The following NCOR1 variants were observed in gnomAD, a reference collection of about 807,000 sequenced individuals.
NCOR1 encodes nuclear receptor corepressor 1.
A neutral mutation model predicts 288.1 loss-of-function variants in NCOR1; 63 were observed. The ratio of observed to expected loss-of-function variants is 0.22; its 90% CI spans 0.18 to 0.27. NCOR1 has a LOEUF of 0.27. Among genes scored for constraint, NCOR1 ranks in the 10% least tolerant of loss-of-function variants. The pLI, the probability that NCOR1 is intolerant of heterozygous loss-of-function variation, is 1.00. For missense variants in NCOR1, 2,397 were observed against 3,019.2 expected, an observed-to-expected ratio of 0.79 and a Z score of 4.83; for synonymous variants, 1,007 against 1,065.9, an observed-to-expected ratio of 0.94 and a Z score of 1.08.
At chr17:16,037,699 T>A (rs919542134) in intron 44 of NCOR1, among the ~76,000 whole-genome samples, 1 of 152,198 alleles carries the variant, frequency 6.6e-6, no homozygotes, top group African/African-American at 2.4e-5. Flanking sequence ...AAGGAAAAAC[T>A]GCAGAACAAA....
intron 21 of NCOR1, among the ~76,000 whole-genome samples, chr17:16,094,862 C>T (rs980410571): frequency 1.3e-5 from 2 of 152,222 alleles, no homozygotes; most frequent in Non-Finnish European, 2.9e-5. Flanking sequence ...CTCGTTAACT[C>T]AGTGCTCAAT....
Position 16,121,142 on chromosome 17 carries a change from A to T in NCOR1, c.1762T>A (p.Ser588Thr). The change falls in exon 16 of 46, where the codon TCC (serine) becomes ACC (threonine). Residue 588 changes from serine to threonine, a missense_variant. Transcript: ENST00000268712. The part of the protein sequence containing the change: ...QGRRKGRITR[S>T]MTNEAAAASA... ...GCAGCTGCAGCTTCGTTTGTCATGGACCTGGTGATCCGGCCCTTACGGCGG... is the reference window on the plus strand; with the variant it reads ...GCAGCTGCAGCTTCGTTTGTCATGGTCCTGGTGATCCGGCCCTTACGGCGG... 6.2e-7 allele frequency: 1 copy of T among 1,614,024 alleles called. No individual in the cohort carries two copies. Among genetic ancestry groups the T allele is most frequent in the Non-Finnish European group, 8.5e-7 (1 of 1,180,010 alleles).
intron 16 of NCOR1, 146 bp downstream of exon 16, chr17:16,120,906 G>T: frequency 2.9e-6 from 2 of 687,636 alleles, no homozygotes; most frequent in Non-Finnish European, 4.5e-6. Context: ...AAAAAACTTT[G>T]ACATTAAAGT....
intron 3 of NCOR1, among the ~76,000 whole-genome samples, chr17:16,175,037 A>C (rs546253444): frequency 0.053 from 7,477 of 142,036 alleles, 220 homozygotes; most frequent in African/African-American, 0.11. Flanking sequence ...CTGTGGTATA[A>C]AAAAAAAAAA....
chr17:16,041,290 C>T (rs533798425), intron 42 of NCOR1: 5 of 151,404 alleles, frequency 3.3e-5, no homozygotes, highest in Non-Finnish European at 7.4e-5. Flanking sequence ...GAATTTGGGA[C>T]ATAAATTGGT....
At chr17:16,153,710 T>C (rs2153393465) in intron 6 of NCOR1, among the ~76,000 whole-genome samples, 1 of 152,236 alleles carries the variant, frequency 6.6e-6, no homozygotes, top group African/African-American at 2.4e-5. Context: ...AACAATTATA[T>C]TAAAAAACTG....
At chr17:16,048,182 G>A (rs1021573664) in intron 41 of NCOR1, among the ~76,000 whole-genome samples, 5 of 152,186 alleles carry the variant, frequency 3.3e-5, no homozygotes, top group Non-Finnish European at 7.3e-5. Flanking sequence ...TTCAGCACTA[G>A]GCAAACTGCA....
In NCOR1 at chr17:16,070,211, T is replaced by C. The variant is rs746368598; in HGVS notation, c.4467A>G (p.Gln1489=). The change falls in exon 31 of 46, where the codon CAA becomes CAG. Residue 1489 remains glutamine (Q), a synonymous_variant. Transcript: ENST00000268712. ...TGGGTGAGCCTCTGGACATGGTGTT[T>C]TGATAACTCACAGGGGTCCTCCGTG... The part of the protein sequence containing the change: ...TSARRTPVSY[Q]NTMSRGSPMM... 3 of 1,613,864 alleles carry C rather than the reference T, an allele frequency of 1.9e-6. No homozygotes were observed. In the East Asian group the frequency reaches 6.7e-5, roughly 36 times the overall value.
chr17:16,070,239 C>G lies in NCOR1; in HGVS notation c.4439G>C (p.Ser1480Thr), dbSNP rs2152723086. The part of the protein sequence containing the change: ...QLSPGIYDDT[S>T]ARRTPVSYQN... ...ATAACTCACAGGGGTCCTCCGTGCA[C>G]TGGTGTCATCATAAATCCCAGGGCT... Residue 1480 changes from serine (S) to threonine (T), a missense_variant, in exon 31 of 46, where the codon AGT becomes ACT. Ser to Thr is a moderately conservative substitution (Grantham distance 58). Around this residue, in one of 11 missense-constraint regions of NCOR1, gnomAD observed 1,872 missense variants for 2,187.8 expected, o/e 0.86. Transcript: ENST00000268712. 1.2e-6 allele frequency: 2 copies of G among 1,613,990 alleles called. No individual in the cohort carries two copies. Among genetic ancestry groups the G allele is most frequent in the Non-Finnish European group, 1.7e-6 (2 of 1,180,010 alleles).
intron 37 of NCOR1, among the ~76,000 whole-genome samples, chr17:16,061,108 C>T (rs1465402115): frequency 6.6e-6 from 1 of 152,070 alleles, no homozygotes; most frequent in African/African-American, 2.4e-5. Flanking sequence ...CAGAGCCTGG[C>T]GATATATCCA....
At chr17:16,033,279 G>C (rs1972732615) in intron 45 of NCOR1, among the ~76,000 whole-genome samples, 1 of 141,072 alleles carries the variant, frequency 7.1e-6, no homozygotes, top group Non-Finnish European at 1.5e-5. Flanking sequence ...AGGTTGCTGT[G>C]AGCCAAGATA....
intron 23 of NCOR1, among the ~76,000 whole-genome samples, chr17:16,081,277 G>A (rs147602504): frequency 1.5e-3 from 218 of 142,394 alleles, no homozygotes; most frequent in African/African-American, 3.7e-3. Context: ...GAGCAATCTC[G>A]GCTCACTGCA....
At position 16,068,029 on chromosome 17, in the gene NCOR1, G is replaced by A. The variant is rs1219978574; in HGVS notation, c.4606C>T (p.Pro1536Ser). ...TGGCTCACGACAGGGTCCACCCCAG[G>A]CACTGGAGACTTCGCTGGGATACTT... ...RESIPAKSPV[P>S]GVDPVVSHSP... The change falls in exon 32 of 46, where the codon CCT becomes TCT. Residue 1536 changes from proline to serine, a missense_variant. Coordinates refer to ENST00000268712, the MANE Select transcript of NCOR1 (RefSeq NM_006311.4). 5 of 1,614,192 alleles carry A rather than the reference G, an allele frequency of 3.1e-6. No homozygotes were observed. Among genetic ancestry groups the A allele is most frequent in the Non-Finnish European group, 2.5e-6 (3 of 1,180,040 alleles).
intron 3 of NCOR1, among the ~76,000 whole-genome samples, chr17:16,178,159 C>T (rs1042336670): frequency 1.3e-5 from 2 of 151,534 alleles, no homozygotes; most frequent in Non-Finnish European, 2.9e-5. Flanking sequence ...GCCAAGATTG[C>T]GCCACTGCAC....
intron 1 of NCOR1, among the ~76,000 whole-genome samples, chr17:16,199,150 C>CA (rs1263015105): frequency 2.5e-3 from 232 of 94,644 alleles, no homozygotes; most frequent in Middle Eastern, 8.1e-3. Context: ...TTTATTATCT[C>CA]AAAAAAAAAA....
intron 1 of NCOR1, among the ~76,000 whole-genome samples, chr17:16,209,966 T>C (rs939273386): frequency 2.6e-5 from 4 of 151,930 alleles, no homozygotes; most frequent in African/African-American, 9.7e-5. Context: ...AAAATGTTCA[T>C]GTTTGTGCTA....
At chr17:16,143,815 C>T (rs963968324) in intron 10 of NCOR1, 119 bp from the exon 11 acceptor site, 1 of 673,700 alleles carries the variant, frequency 1.5e-6, no homozygotes, top group Non-Finnish European at 2.5e-6. Context: ...AGAGAAGAAA[C>T]ATAAAATACT....
intron 31 of NCOR1, among the ~76,000 whole-genome samples, chr17:16,069,467 T>C (rs2061496726): frequency 2.0e-5 from 3 of 152,150 alleles, no homozygotes; most frequent in Non-Finnish European, 2.9e-5. Flanking sequence ...TAATAAAAAA[T>C]GGTAAGTGGA....
chr17:16,063,981 C>G, intron 35 of NCOR1, 87 bp downstream of exon 35: 2 of 1,430,682 alleles, frequency 1.4e-6, no homozygotes, highest in Non-Finnish European at 1.9e-6. Context: ...TTGTTTCCAT[C>G]AAAACTTTTT....
Sources: gnomAD v4.1 joint callset for allele counts (sites outside exome capture counted in the v4.1 genomes callset) on GRCh38, gnomAD v4.1.1 for gene constraint, gnomAD v4.1.1 regional missense constraint, MANE v1.5 for transcripts, NCBI Gene and HGNC (gene_info 2026-07-23, HGNC 2026-07-21) for gene names.